The following PDE8A variants were observed in gnomAD, a reference collection of about 807,000 sequenced individuals.
The protein encoded by PDE8A is phosphodiesterase 8A.
Under a neutral mutation model 105.0 loss-of-function variants are expected in PDE8A, and 59 were observed. The ratio of observed to expected loss-of-function variants is 0.56; its 90% CI spans 0.46 to 0.70. The LOEUF is 0.70. Among genes scored for constraint, PDE8A ranks in the 30% least tolerant of loss-of-function variants. PDE8A has a pLI of 0.00. For synonymous variants in PDE8A, 355 were observed against 371.9 expected (o/e 0.95, Z 0.52); for missense variants, 1,014 against 1,045.9 (o/e 0.97, Z 0.42).
chr15:85,122,031 C>T (rs920140153), intron 18 of PDE8A, among the ~76,000 whole-genome samples: 1 of 152,180 alleles, frequency 6.6e-6, no homozygotes, highest in African/African-American at 2.4e-5. Flanking sequence ...CTCCCTGAAG[C>T]ACTCCACTCT....
intron 17 of PDE8A, chr15:85,120,151 A>G (rs1596538675): frequency 6.6e-6 from 1 of 151,776 alleles, no homozygotes; most frequent in Admixed American, 6.6e-5. Flanking sequence ...AAAAAAAAAA[A>G]ACAAAAGAGG....
At chr15:84,981,749 G>T (rs893137937), upstream of PDE8A, among the ~76,000 whole-genome samples, 2 of 150,022 alleles carry the variant, frequency 1.3e-5, no homozygotes, top group Non-Finnish European at 1.5e-5. Flanking sequence ...CGCCTCCCCC[G>T]GGGGTCGTGC....
intron 1 of PDE8A, among the ~76,000 whole-genome samples, chr15:84,992,478 G>T (rs760610407): frequency 6.6e-6 from 1 of 152,176 alleles, no homozygotes; most frequent in Non-Finnish European, 1.5e-5. Flanking sequence ...ATAAACCTCA[G>T]AGAACTCCCA....
chr15:84,999,241 C>T (rs931728706), intron 1 of PDE8A, among the ~76,000 whole-genome samples: 6 of 151,544 alleles, frequency 4.0e-5, no homozygotes, highest in African/African-American at 1.2e-4. Context: ...CTGCCTCAGC[C>T]TCCCAAGCAG....
chr15:85,128,524 G>A (rs7177110), intron 20 of PDE8A, among the ~76,000 whole-genome samples: 127,418 of 152,054 alleles, frequency 0.84, 54,025 homozygotes, highest in African/African-American at 0.96. Flanking sequence ...ACAACCATAA[G>A]AAGAAAATTT....
At chr15:84,991,390 A>G (rs1452069770) in intron 1 of PDE8A, among the ~76,000 whole-genome samples, 2 of 152,376 alleles carry the variant, frequency 1.3e-5, no homozygotes, top group South Asian at 2.1e-4. Flanking sequence ...AAGGTTTTCA[A>G]CCTCATTGGG....
chr15:84,984,571 A>G (rs186919422), intron 1 of PDE8A, among the ~76,000 whole-genome samples: 15 of 152,342 alleles, frequency 9.8e-5, no homozygotes, highest in African/African-American at 3.4e-4. Flanking sequence ...GGATGCTTTT[A>G]TAGTCCTACA....
intron 1 of PDE8A, among the ~76,000 whole-genome samples, chr15:84,996,933 G>C (rs1162093461): frequency 6.6e-6 from 1 of 151,236 alleles, no homozygotes; most frequent in Admixed American, 6.6e-5. Context: ...AATGAGTGGT[G>C]AGTGAATGTG....
chr15:85,083,753 T>C (rs191619342), intron 6 of PDE8A, 109 bp downstream of exon 6: 1 of 709,650 alleles, frequency 1.4e-6, no homozygotes, highest in African/African-American at 1.8e-5. Flanking sequence ...AGAAATGGGA[T>C]TGGAGAGAAT....
At chr15:85,116,933 T>C (rs755054111) in intron 16 of PDE8A, among the ~76,000 whole-genome samples, 3 of 152,216 alleles carry the variant, frequency 2.0e-5, no homozygotes, top group Admixed American at 1.3e-4. Context: ...TACATGCTAG[T>C]GACATTACAT....
At position 85,123,131 on chromosome 15, in the gene PDE8A, G is replaced by C; in HGVS notation, c.2023G>C (p.Glu675Gln). The C allele has an allele frequency of 6.2e-7, 1 of 1,613,924 alleles. No individual in the cohort carries two copies. Among genetic ancestry groups the C allele is most frequent in the South Asian group, 1.1e-5 (1 of 91,078 alleles). Residue 675 changes from glutamate to glutamine, a missense_variant, in exon 19 of 22, where the codon GAG becomes CAG. Glu to Gln is a conservative substitution (Grantham distance 29, BLOSUM62 2). Transcript: ENST00000394553. ...AGCCACAGAAATGACAAAGCACTTT[G>C]AGCATGTCAACAAATTTGTCAACAG... Reference protein sequence around the residue: ...VLATEMTKHFEHVNKFVNSIN... With the variant: ...VLATEMTKHFQHVNKFVNSIN...
At chr15:85,123,037 C>T in intron 18 of PDE8A, 24 bp from the exon 19 acceptor site, 1 of 1,611,852 alleles carries the variant, frequency 6.2e-7, no homozygotes, top group South Asian at 1.1e-5. Flanking sequence ...TTTGTAGCAG[C>T]CTCTAATTTG....
intron 8 of PDE8A, among the ~76,000 whole-genome samples, chr15:85,093,914 C>T (rs1356288500): frequency 6.6e-6 from 1 of 151,756 alleles, no homozygotes; most frequent in Non-Finnish European, 1.5e-5. Context: ...GGCTGGAGTG[C>T]GGTGGCACGA....
intron 1 of PDE8A, among the ~76,000 whole-genome samples, chr15:85,048,770 C>A (rs1172586149): frequency 6.6e-6 from 1 of 152,160 alleles, no homozygotes; most frequent in Non-Finnish European, 1.5e-5. Context: ...GATGATTATA[C>A]AGACCATTTC....
chr15:85,018,787 A>G (rs899772303), intron 1 of PDE8A, among the ~76,000 whole-genome samples: 1 of 152,196 alleles, frequency 6.6e-6, no homozygotes, highest in Non-Finnish European at 1.5e-5. Flanking sequence ...TTATATGAAT[A>G]TGTACTTATT....
intron 1 of PDE8A, among the ~76,000 whole-genome samples, chr15:85,054,189 G>A (rs749182168): frequency 6.6e-6 from 1 of 152,158 alleles, no homozygotes; most frequent in Non-Finnish European, 1.5e-5. Context: ...TGGTAGATAA[G>A]CTTTTTGATG....
At position 85,123,179 on chromosome 15, in the gene PDE8A, C is replaced by G. The variant is rs2082208205; in HGVS notation, c.2071C>G (p.Leu691Val). The G allele has an allele frequency of 1.4e-5, 22 of 1,613,978 alleles. No individual in the cohort carries two copies. The highest frequency in any genetic ancestry group is 1.6e-4 in the Middle Eastern group (1 of 6,062). Residue 691 changes from leucine to valine, a missense_variant, in exon 19 of 22, where the codon CTA (leucine) becomes GTA (valine). Physicochemically the swap from Leu to Val is conservative, Grantham distance 32 (BLOSUM62 1). Coordinates refer to ENST00000394553, the MANE Select transcript of PDE8A (RefSeq NM_002605.3). ...VNSINKPLAT[L>V]EENGETDKNQ... ...CAGCATCAACAAACCCTTGGCAACACTAGAAGAAAATGGGGTAAGGGAAAC... is the reference window on the plus strand; with the variant it reads ...CAGCATCAACAAACCCTTGGCAACAGTAGAAGAAAATGGGGTAAGGGAAAC...
intron 1 of PDE8A, among the ~76,000 whole-genome samples, chr15:85,029,776 T>A (rs753022493): frequency 3.2e-4 from 49 of 152,176 alleles, no homozygotes; most frequent in African/African-American, 9.9e-4. Context: ...TTAGGACCCT[T>A]CAGCTGCAAC....
intron 1 of PDE8A, among the ~76,000 whole-genome samples, chr15:85,036,604 G>T (rs2080710862): frequency 6.6e-6 from 1 of 152,130 alleles, no homozygotes; most frequent in African/African-American, 2.4e-5. Flanking sequence ...TTCTTAAGGA[G>T]TTCCTGCCCA....
Sources: gnomAD v4.1 joint callset for allele counts (sites outside exome capture counted in the v4.1 genomes callset) on GRCh38, gnomAD v4.1.1 for gene constraint, MANE v1.5 for transcripts, NCBI Gene and HGNC (gene_info 2026-07-23, HGNC 2026-07-21) for gene names.